Variants in FMN2 observed in about 807,000 individuals in gnomAD.
FMN2 encodes formin-2.
FMN2 carries 51 observed loss-of-function variants against 142.3 expected under a neutral mutation model. The observed-to-expected ratio is 0.36, with a 90% CI of 0.29 to 0.45. The LOEUF is 0.45. Ranked by LOEUF, FMN2 falls within the 20% of genes least tolerant of loss-of-function variation. FMN2 has a pLI of 1.00. For missense variants in FMN2, 1,936 were observed against 2,122.8 expected (o/e 0.91, Z 1.73); for synonymous variants, 882 against 869.8 (o/e 1.01, Z -0.25).
chr1:240,389,003 A>G (rs1361433945), intron 14 of FMN2, among the ~76,000 whole-genome samples: 18 of 152,098 alleles, frequency 1.2e-4, no homozygotes, highest in Non-Finnish European at 1.5e-5. Context: ...TTGCTACCCT[A>G]TAATTATCTT....
At chr1:240,170,928 G>T in intron 2 of FMN2, 1 of 790,638 alleles carries the variant, frequency 1.3e-6, no homozygotes, top group South Asian at 1.3e-5. Flanking sequence ...TCCAGGAAGT[G>T]CTCATTGAGC....
intron 4 of FMN2, among the ~76,000 whole-genome samples, chr1:240,205,280 A>C (rs972141267): frequency 1.3e-5 from 2 of 152,140 alleles, no homozygotes; most frequent in African/African-American, 4.8e-5. Context: ...TTAGTGAGCA[A>C]ATCCACATCT....
At chr1:240,432,817 A>G (rs1675221045) in intron 15 of FMN2, among the ~76,000 whole-genome samples, 1 of 152,050 alleles carries the variant, frequency 6.6e-6, no homozygotes, top group Non-Finnish European at 1.5e-5. Context: ...TTCCTTCATA[A>G]TTTAATACCA....
At chr1:240,409,236 G>C (rs1674315701) in intron 15 of FMN2, among the ~76,000 whole-genome samples, 1 of 152,062 alleles carries the variant, frequency 6.6e-6, no homozygotes, top group African/African-American at 2.4e-5. Flanking sequence ...CTCGCCTCTT[G>C]GGTTCAAGCG....
At chr1:240,418,703 T>C (rs146297874) in intron 15 of FMN2, among the ~76,000 whole-genome samples, 1 of 152,174 alleles carries the variant, frequency 6.6e-6, no homozygotes, top group South Asian at 2.1e-4. Context: ...ATACACAGTG[T>C]TCCAGTGTTG....
At chr1:240,393,093 G>A (rs939821121) in intron 15 of FMN2, among the ~76,000 whole-genome samples, 6 of 151,546 alleles carry the variant, frequency 4.0e-5, no homozygotes, top group East Asian at 1.9e-4. Context: ...ACAAACTGGC[G>A]ATACAGATAT....
chr1:240,467,939 C>G (rs1025275643), intron 16 of FMN2, among the ~76,000 whole-genome samples: 2 of 152,108 alleles, frequency 1.3e-5, no homozygotes, highest in African/African-American at 4.8e-5. Flanking sequence ...TCTCTGCTTT[C>G]TGTGTTGTTT....
At chr1:240,100,088 T>C (rs1661363410) in intron 1 of FMN2, among the ~76,000 whole-genome samples, 1 of 152,228 alleles carries the variant, frequency 6.6e-6, no homozygotes, top group South Asian at 2.1e-4. Context: ...ACTAGTTGAA[T>C]TGAAGCTGGA....
At chr1:240,096,347 C>T (rs1337489548) in intron 1 of FMN2, among the ~76,000 whole-genome samples, 1 of 152,164 alleles carries the variant, frequency 6.6e-6, no homozygotes, top group Non-Finnish European at 1.5e-5. Flanking sequence ...ATCTGGCCTT[C>T]CTTGAGCTGG....
chr1:240,201,727 G>GA (rs1461871769), intron 4 of FMN2, among the ~76,000 whole-genome samples: 2 of 151,556 alleles, frequency 1.3e-5, no homozygotes, highest in African/African-American at 2.4e-5. Context: ...CTTTTTTATG[G>GA]AAAAAAAGTG....
intron 15 of FMN2, among the ~76,000 whole-genome samples, chr1:240,393,610 A>G (rs1277045921): frequency 6.6e-6 from 1 of 152,230 alleles, no homozygotes; most frequent in Non-Finnish European, 1.5e-5. Context: ...AACAAAAGCT[A>G]GAAATGGTTA....
chr1:240,464,395 T>C (rs1030208392), intron 16 of FMN2, among the ~76,000 whole-genome samples: 1 of 152,192 alleles, frequency 6.6e-6, no homozygotes, highest in African/African-American at 2.4e-5. Context: ...TCAAATATGT[T>C]TTCTTATGAG....
At chr1:240,269,405 G>C (rs932777829) in intron 7 of FMN2, among the ~76,000 whole-genome samples, 1 of 151,932 alleles carries the variant, frequency 6.6e-6, no homozygotes, top group African/African-American at 2.4e-5. Context: ...TGGACGATGT[G>C]TCTATTTTTA....
chr1:240,175,600 T>TCCTCCCATGCTAG (rs59658085), intron 2 of FMN2, among the ~76,000 whole-genome samples: 12 of 151,848 alleles, frequency 7.9e-5, no homozygotes, highest in Non-Finnish European at 1.5e-4. Context: ...GCTCAAGTGA[T>TCCTCCCATGCTAG]CCTCCCAAGT....
intron 8 of FMN2, among the ~76,000 whole-genome samples, chr1:240,324,548 C>T (rs924072581): frequency 2.6e-5 from 4 of 151,978 alleles, no homozygotes; most frequent in Non-Finnish European, 4.4e-5. Flanking sequence ...GTAATCCCAG[C>T]TACCTAAGTG....
In FMN2 at chr1:240,207,790, C is replaced by T; in HGVS notation, c.2978C>T (p.Pro993Leu). The stretch of plus-strand genomic sequence containing the variant: ...GGCATACCCCCTCCTCCCCCACTTC[C>T]CGGAGCGGGCATACCCCCTCCGCCC... ...GAGIPPPPPL[P>L]GAGIPPPPPL... The change falls in exon 5 of 18, where the codon CCC (proline) becomes CTC (leucine). Residue 993 changes from proline to leucine, a missense_variant. Physicochemically the swap from Pro to Leu is moderately conservative, Grantham distance 98 (BLOSUM62 -3). Around this residue, in one of 8 missense-constraint regions of FMN2, gnomAD observed 63 missense variants for 86.3 expected, o/e 0.73. Coordinates refer to ENST00000319653, the MANE Select transcript of FMN2 (RefSeq NM_020066.5). 1 of 1,179,474 alleles carries T rather than the reference C, an allele frequency of 8.5e-7. No individual in the cohort carries two copies. The highest frequency in any genetic ancestry group is 1.2e-6 in the Non-Finnish European group (1 of 841,996). 73.1% of individuals were successfully genotyped at this position (1,179,474 alleles called of 1,614,324 possible).
At chr1:240,387,569 A>G (rs1673447428) in intron 14 of FMN2, among the ~76,000 whole-genome samples, 1 of 152,208 alleles carries the variant, frequency 6.6e-6, no homozygotes, top group Admixed American at 6.5e-5. Flanking sequence ...TTCACACACA[A>G]ATTAAGTAGA....
intron 2 of FMN2, chr1:240,143,139 TGA>T (rs2103256342): frequency 6.4e-7 from 1 of 1,570,780 alleles, no homozygotes; most frequent in East Asian, 2.2e-5. Flanking sequence ...GTCCTTGGCA[TGA>T]TATTGAGCTA....
chr1:240,452,048 A>G (rs776752567), intron 16 of FMN2, among the ~76,000 whole-genome samples: 1 of 151,814 alleles, frequency 6.6e-6, no homozygotes, highest in Non-Finnish European at 1.5e-5. Context: ...AAAATTAGCC[A>G]GGTGTGGTGG....
Sources: allele counts gnomAD v4.1 joint callset (sites outside exome capture counted in the v4.1 genomes callset), GRCh38; gene constraint gnomAD v4.1.1; regional missense constraint gnomAD v4.1.1; transcripts MANE v1.5; gene names NCBI Gene and HGNC (gene_info 2026-07-23, HGNC 2026-07-21).